The following PTPRG variants were observed in gnomAD, a reference collection of about 807,000 sequenced individuals.
PTPRG encodes the protein receptor-type tyrosine-protein phosphatase gamma.
In PTPRG, 102 loss-of-function variants were observed where a neutral mutation model predicts 165.3. That is an observed-to-expected ratio of 0.62 (90% confidence interval 0.53 to 0.73). The LOEUF is 0.73. PTPRG is among the 30% of genes least tolerant of loss of function. The pLI is 0.00. For missense variants in PTPRG, 1,866 were observed against 1,861.4 expected (o/e 1.00, Z -0.05); for synonymous variants, 675 against 669.5 (o/e 1.01, Z -0.13).
chr3:61,858,502 A>T (rs2037175142), intron 2 of PTPRG, among the ~76,000 whole-genome samples: 1 of 152,204 alleles, frequency 6.6e-6, no homozygotes, highest in Non-Finnish European at 1.5e-5. Context: ...ATGTCATATA[A>T]TTGTGGGATT....
chr3:61,937,317 C>G (rs1471304974), intron 2 of PTPRG, among the ~76,000 whole-genome samples: 1 of 152,168 alleles, frequency 6.6e-6, no homozygotes, highest in Non-Finnish European at 1.5e-5. Context: ...CATTTTGACC[C>G]TGGTTTCACT....
intron 8 of PTPRG, among the ~76,000 whole-genome samples, chr3:62,171,227 C>T (rs1348544259): frequency 1.3e-5 from 2 of 152,146 alleles, no homozygotes; most frequent in African/African-American, 4.8e-5. Context: ...CTTGAACCTG[C>T]CTTTTAATGA....
intron 4 of PTPRG, among the ~76,000 whole-genome samples, chr3:62,032,973 T>C (rs1452797245): frequency 1.3e-5 from 2 of 152,192 alleles, no homozygotes; most frequent in African/African-American, 2.4e-5. Flanking sequence ...ATGACCGACC[T>C]AGTTCTAAGA....
chr3:62,062,506 A>T (rs1465693603), intron 4 of PTPRG, among the ~76,000 whole-genome samples: 2 of 152,194 alleles, frequency 1.3e-5, no homozygotes, highest in Non-Finnish European at 2.9e-5. Flanking sequence ...AAAATGGGAA[A>T]ATCTAATTAA....
intron 3 of PTPRG, among the ~76,000 whole-genome samples, chr3:62,000,882 C>T (rs1404545759): frequency 6.6e-6 from 1 of 152,120 alleles, no homozygotes; most frequent in East Asian, 1.9e-4. Flanking sequence ...ATCTGCTTTC[C>T]CAGTGTGATT....
At chr3:62,290,075 G>A (rs1219186913) in intron 28 of PTPRG, among the ~76,000 whole-genome samples, 1 of 151,968 alleles carries the variant, frequency 6.6e-6, no homozygotes, top group Non-Finnish European at 1.5e-5. Context: ...TGCATGAAGT[G>A]AAACCAAACA....
intron 4 of PTPRG, among the ~76,000 whole-genome samples, chr3:62,055,687 G>A (rs956879183): frequency 2.6e-5 from 4 of 152,280 alleles, no homozygotes; most frequent in Admixed American, 6.5e-5. Context: ...AATCGCTTTT[G>A]TGCTTTTGCT....
At chr3:62,232,982 A>T (rs532852303) in intron 14 of PTPRG, among the ~76,000 whole-genome samples, 23 of 152,316 alleles carry the variant, frequency 1.5e-4, no homozygotes, top group African/African-American at 5.3e-4. Context: ...TAGTTTCCTT[A>T]TCTAGAAAAT....
chr3:61,614,110 G>A (rs1701246362), intron 1 of PTPRG, among the ~76,000 whole-genome samples: 1 of 152,028 alleles, frequency 6.6e-6, no homozygotes, highest in Non-Finnish European at 1.5e-5. Flanking sequence ...CTCACCCATG[G>A]GCCTGCCTCC....
At chr3:61,675,106 C>G (rs1025990138) in intron 1 of PTPRG, among the ~76,000 whole-genome samples, 1 of 152,190 alleles carries the variant, frequency 6.6e-6, no homozygotes. Context: ...TCAACTCTTA[C>G]CATTTTTTGA....
At chr3:62,047,996 G>T (rs1338430129) in intron 4 of PTPRG, among the ~76,000 whole-genome samples, 1 of 151,980 alleles carries the variant, frequency 6.6e-6, no homozygotes, top group South Asian at 2.1e-4. Context: ...GTAACCTGGC[G>T]CTCCATTAAT....
intron 1 of PTPRG, among the ~76,000 whole-genome samples, chr3:61,744,661 G>A (rs1368459671): frequency 1.3e-5 from 2 of 152,158 alleles, no homozygotes; most frequent in African/African-American, 2.4e-5. Flanking sequence ...GGGAGGGGGA[G>A]AGGTCACACA....
intron 2 of PTPRG, among the ~76,000 whole-genome samples, chr3:61,806,759 C>T (rs1232341623): frequency 6.6e-6 from 1 of 152,148 alleles, no homozygotes; most frequent in Admixed American, 6.5e-5. Flanking sequence ...AGAGTTTTGC[C>T]TATTAGAAGC....
chr3:61,878,211 T>A (rs2107462731), intron 2 of PTPRG, among the ~76,000 whole-genome samples: 1 of 152,316 alleles, frequency 6.6e-6, no homozygotes, highest in Middle Eastern at 3.4e-3. Flanking sequence ...GGAAAGAAAT[T>A]AATTTCCGAA....
chr3:61,871,059 C>T (rs1427747002), intron 2 of PTPRG, among the ~76,000 whole-genome samples: 2 of 151,862 alleles, frequency 1.3e-5, no homozygotes, highest in South Asian at 2.1e-4. Context: ...GGGGCAATCA[C>T]CAGAGTGTCT....
intron 5 of PTPRG, among the ~76,000 whole-genome samples, chr3:62,100,578 G>A (rs1302963126): frequency 6.6e-6 from 1 of 151,952 alleles, no homozygotes; most frequent in East Asian, 1.9e-4. Flanking sequence ...ATGTTTTTCT[G>A]CTTTCCAATC....
intron 2 of PTPRG, among the ~76,000 whole-genome samples, chr3:61,902,695 C>T (rs934183511): frequency 6.6e-6 from 1 of 152,164 alleles, no homozygotes; most frequent in African/African-American, 2.4e-5. Context: ...ATAGTGAGCA[C>T]TCAGTAATCA....
At chr3:61,986,132 A>G (rs1261066489) in intron 2 of PTPRG, among the ~76,000 whole-genome samples, 2 of 152,196 alleles carry the variant, frequency 1.3e-5, no homozygotes, top group Admixed American at 6.5e-5. Flanking sequence ...CATATTTAAT[A>G]TGATTGAATC....
intron 25 of PTPRG, 36 bp downstream of exon 25, chr3:62,277,084 T>G (rs887823494): frequency 9.0e-6 from 14 of 1,553,014 alleles, no homozygotes; most frequent in Non-Finnish European, 1.2e-5. Context: ...TAAAGTCAAC[T>G]AAACTGAAAG....
Sources: gnomAD v4.1 joint callset for allele counts (sites outside exome capture counted in the v4.1 genomes callset) on GRCh38, gnomAD v4.1.1 for gene constraint, MANE v1.5 for transcripts, NCBI Gene and HGNC (gene_info 2026-07-23, HGNC 2026-07-21) for gene names.